ROBO1: variants seen among roughly 807,000 people sequenced by gnomAD.
ROBO1 encodes the protein roundabout homolog 1.
ROBO1 carries 149 observed loss-of-function variants against 195.9 expected under a neutral mutation model. The observed-to-expected ratio is 0.76, with a 90% CI of 0.67 to 0.87. The LOEUF is 0.87. Among genes scored for constraint, ROBO1 ranks in the 40% least tolerant of loss-of-function variants. The pLI, the probability that ROBO1 is intolerant of heterozygous loss-of-function variation, is 0.00. For synonymous variants in ROBO1, 816 were observed against 733.2 expected (o/e 1.11, Z -1.82); for missense variants, 1,933 against 2,068.3 (o/e 0.93, Z 1.27).
At chr3:79,251,051 A>T (rs116672424) in intron 2 of ROBO1, among the ~76,000 whole-genome samples, 3,547 of 152,218 alleles carry the variant, frequency 0.023, 62 homozygotes, top group Non-Finnish European at 0.037. Context: ...TGAGAGCCAA[A>T]CTGTCTCAAC....
intron 4 of ROBO1, among the ~76,000 whole-genome samples, chr3:78,750,327 C>T (rs534112447): frequency 4.0e-5 from 6 of 151,748 alleles, no homozygotes; most frequent in African/African-American, 1.2e-4. Flanking sequence ...GTGGCGGGCA[C>T]CTGTAGTTGC....
chr3:79,543,744 C>A (rs1286014665), intron 2 of ROBO1, among the ~76,000 whole-genome samples: 1 of 152,076 alleles, frequency 6.6e-6, no homozygotes, highest in Non-Finnish European at 1.5e-5. Flanking sequence ...AAACAACTTA[C>A]AATTCAAAGA....
rs115519261 is a variant in ROBO1 at position 78,882,223 on chromosome 3, G to T, written c.499+56378C>A. 8.5e-3 allele frequency among the ~76,000 whole-genome samples: 1,297 copies of T among 152,248 alleles called. 24 individuals are homozygous for T. The highest frequency in any genetic ancestry group is 0.027 in the African/African-American group (1,119 of 41,544). On this transcript the variant is annotated intron_variant, in intron 4 of 30. Transcript: ENST00000464233. ...GAACAAGAATGGCCAATAGAGTCTAGTATGAATGCTAAATTTTCTGTTCAA... is the reference window on the plus strand; with the variant it reads ...GAACAAGAATGGCCAATAGAGTCTATTATGAATGCTAAATTTTCTGTTCAA...
At chr3:78,959,732 T>C (rs972443188) in intron 3 of ROBO1, among the ~76,000 whole-genome samples, 1 of 152,298 alleles carries the variant, frequency 6.6e-6, no homozygotes, top group Non-Finnish European at 1.5e-5. Context: ...ACAAGAGATA[T>C]ATGCCATCTA....
chr3:79,092,568 G>A (rs1030989484), intron 3 of ROBO1, among the ~76,000 whole-genome samples: 7 of 152,120 alleles, frequency 4.6e-5, no homozygotes, highest in African/African-American at 1.7e-4. Flanking sequence ...ACTATCTTAT[G>A]CTATGAATTT....
At chr3:79,199,765 C>T (rs959984506) in intron 2 of ROBO1, among the ~76,000 whole-genome samples, 1 of 151,294 alleles carries the variant, frequency 6.6e-6, no homozygotes, top group Non-Finnish European at 1.5e-5. Context: ...AGGATTCAAT[C>T]GTAGTACATT....
rs138201794 is a variant in ROBO1 at position 78,737,133 on chromosome 3, T to A, written c.657+9610A>T. On this transcript the variant is annotated intron_variant, in intron 5 of 30. Transcript: ENST00000464233. ...ACTTGAATCAGTTTCTTAATTTCAG[T>A]GTTAGTCTAAACACTTTACTTACTC... Among the ~76,000 whole-genome samples the A allele has an allele frequency of 7.2e-5, 11 of 152,282 alleles. No individual in the cohort carries two copies. The East Asian group carries it at 2.1e-3, about 29-fold the overall frequency.
rs185576446 is a variant in ROBO1 at position 79,391,539 on chromosome 3, T to C, written c.88+198285A>G. The stretch of plus-strand genomic sequence containing the variant: ...TCAGCAACTCCCACAAACCTCCCAC[T>C]TCCCCATCTCCATCCCAACACTATC... On this transcript the variant is annotated intron_variant, in intron 2 of 30. Transcript: ENST00000464233. 2.9e-3 allele frequency among the ~76,000 whole-genome samples: 434 copies of C among 152,152 alleles called. 2 individuals carry two copies. Among genetic ancestry groups the C allele is most frequent in the African/African-American group, 9.1e-3 (376 of 41,542 alleles).
chr3:79,374,717 T>G (rs1407806528), intron 2 of ROBO1, among the ~76,000 whole-genome samples: 1 of 152,206 alleles, frequency 6.6e-6, no homozygotes, highest in African/African-American at 2.4e-5. Flanking sequence ...CAGTACTTAG[T>G]CTTTTGTAGA....
At chr3:78,756,099 G>A (rs1327189861) in intron 4 of ROBO1, among the ~76,000 whole-genome samples, 7 of 151,940 alleles carry the variant, frequency 4.6e-5, no homozygotes, top group Non-Finnish European at 8.8e-5. Flanking sequence ...TACAACATAT[G>A]TGGATTATAT....
At chr3:79,352,679 CTTT>C in intron 2 of ROBO1, among the ~76,000 whole-genome samples, 1 of 152,292 alleles carries the variant, frequency 6.6e-6, no homozygotes, top group East Asian at 1.9e-4. Context: ...CAGCCGCCTT[CTTT>C]AACCTCAGAA....
chr3:79,049,316 A>G (rs2078652928), intron 3 of ROBO1, among the ~76,000 whole-genome samples: 1 of 152,190 alleles, frequency 6.6e-6, no homozygotes, highest in African/African-American at 2.4e-5. Flanking sequence ...AGATCAAATT[A>G]ATGAAATAAA....
intron 2 of ROBO1, among the ~76,000 whole-genome samples, chr3:79,250,770 T>C (rs2082713908): frequency 6.6e-6 from 1 of 152,116 alleles, no homozygotes; most frequent in Non-Finnish European, 1.5e-5. Context: ...AAAAATGAAA[T>C]GAGGGCCAGG....
intron 1 of ROBO1, among the ~76,000 whole-genome samples, chr3:79,725,223 C>CTTTTTTTTTT (rs35418345): frequency 1.4e-4 from 15 of 106,500 alleles, no homozygotes; most frequent in South Asian, 3.2e-4. Context: ...CTCTCTTCTT[C>CTTTTTTTTTT]TTTTTTTTTT....
intron 2 of ROBO1, among the ~76,000 whole-genome samples, chr3:79,519,628 C>CAAAAAAA (rs71631657): frequency 6.4e-4 from 41 of 64,556 alleles, no homozygotes; most frequent in African/African-American, 1.0e-3. Flanking sequence ...GACTCCTGCT[C>CAAAAAAA]AAAAAAAAAA....
chr3:79,119,242 A>G (rs1443070254), intron 3 of ROBO1, among the ~76,000 whole-genome samples: 1 of 152,190 alleles, frequency 6.6e-6, no homozygotes, highest in African/African-American at 2.4e-5. Flanking sequence ...ACAGACTCCA[A>G]TTATTGTTAG....
intron 2 of ROBO1, among the ~76,000 whole-genome samples, chr3:79,454,010 A>T (rs2039532307): frequency 6.6e-6 from 1 of 152,016 alleles, no homozygotes; most frequent in African/African-American, 2.4e-5. Flanking sequence ...AATAAGTAGG[A>T]GTGTGTTACT....
intron 2 of ROBO1, among the ~76,000 whole-genome samples, chr3:79,359,998 G>T (rs2109300743): frequency 6.6e-6 from 1 of 152,080 alleles, no homozygotes; most frequent in East Asian, 1.9e-4. Flanking sequence ...ATAATTGCAG[G>T]CAGAGGAAAT....
At chr3:79,323,885 G>A (rs2034095544) in intron 2 of ROBO1, among the ~76,000 whole-genome samples, 1 of 152,082 alleles carries the variant, frequency 6.6e-6, no homozygotes, top group South Asian at 2.1e-4. Context: ...TATGCCCCCC[G>A]AGTAGTGTTA....
Sources: gnomAD v4.1 joint callset for allele counts (sites outside exome capture counted in the v4.1 genomes callset) on GRCh38, gnomAD v4.1.1 for gene constraint, MANE v1.5 for transcripts, NCBI Gene and HGNC (gene_info 2026-07-23, HGNC 2026-07-21) for gene names.